TRIO: variants seen among roughly 807,000 people sequenced by gnomAD.
The protein encoded by TRIO is trio Rho guanine nucleotide exchange factor.
TRIO carries 58 observed loss-of-function variants against 351.9 expected under a neutral mutation model. The observed-to-expected ratio is 0.16, with a 90% CI of 0.13 to 0.21. The LOEUF (loss-of-function observed/expected upper bound fraction) is 0.21, where lower values mean the gene tolerates loss of function less well. TRIO is among the 10% of genes least tolerant of loss of function. The probability of loss-of-function intolerance (pLI) is 1.00; values close to 1 mark genes in which losing one functional copy is unlikely to be tolerated. For missense variants in TRIO, 3,201 were observed against 4,027.8 expected (o/e 0.79, Z 5.56); for synonymous variants, 1,758 against 1,595.7 (o/e 1.10, Z -2.42).
At chr5:14,315,331 C>A (rs1739288007) in intron 8 of TRIO, among the ~76,000 whole-genome samples, 1 of 151,100 alleles carries the variant, frequency 6.6e-6, no homozygotes, top group South Asian at 2.1e-4. Context: ...CGGCTCACTG[C>A]AACTTTCATC....
intron 11 of TRIO, 129 bp downstream of exon 11, chr5:14,336,856 A>G: frequency 1.0e-6 from 1 of 957,296 alleles, no homozygotes; most frequent in Non-Finnish European, 1.6e-6. Context: ...GTAGCCCATT[A>G]GTGCTGAGTG....
intron 1 of TRIO, among the ~76,000 whole-genome samples, chr5:14,144,545 C>T (rs912093100): frequency 2.0e-5 from 3 of 152,208 alleles, no homozygotes; most frequent in East Asian, 3.9e-4. Flanking sequence ...CCATTGTCTC[C>T]GGGGACGACC....
intron 1 of TRIO, among the ~76,000 whole-genome samples, chr5:14,175,388 C>G (rs1789346468): frequency 6.6e-6 from 1 of 152,168 alleles, no homozygotes; most frequent in Non-Finnish European, 1.5e-5. Flanking sequence ...TTCTTTGTCC[C>G]TTTCAACAAT....
At chr5:14,289,355 A>G (rs1671942832) in intron 4 of TRIO, among the ~76,000 whole-genome samples, 1 of 152,124 alleles carries the variant, frequency 6.6e-6, no homozygotes, top group South Asian at 2.1e-4. Context: ...ACTGCACTGC[A>G]GCATGGGCAA....
At chr5:14,390,173 C>A in intron 25 of TRIO, 58 bp from the exon 26 acceptor site, 1 of 1,508,412 alleles carries the variant, frequency 6.6e-7, no homozygotes, top group Non-Finnish European at 9.1e-7. Flanking sequence ...TGGCATATCT[C>A]ACTAGTAAAA....
intron 9 of TRIO, among the ~76,000 whole-genome samples, chr5:14,328,758 T>C (rs1740637946): frequency 6.6e-6 from 1 of 152,090 alleles, no homozygotes; most frequent in Non-Finnish European, 1.5e-5. Context: ...AACCTGAAGC[T>C]GAGAAGGAAT....
At chr5:14,364,970 C>A (rs1744470063) in intron 15 of TRIO, among the ~76,000 whole-genome samples, 154 bp downstream of exon 15, 1 of 152,128 alleles carries the variant, frequency 6.6e-6, no homozygotes, top group Non-Finnish European at 1.5e-5. Flanking sequence ...CATACACACA[C>A]CCCCGCCCCC....
At chr5:14,442,778 C>T (rs138291981) in intron 34 of TRIO, among the ~76,000 whole-genome samples, 83 of 152,264 alleles carry the variant, frequency 5.5e-4, no homozygotes, top group African/African-American at 1.8e-3. Context: ...CTGTGCAGTG[C>T]AAAGAACAAC....
intron 1 of TRIO, among the ~76,000 whole-genome samples, chr5:14,177,175 C>G (rs1296242553): frequency 6.6e-6 from 1 of 152,132 alleles, no homozygotes; most frequent in Non-Finnish European, 1.5e-5. Flanking sequence ...TTCTGGAATT[C>G]ACTTGAGTGT....
At chr5:14,322,179 A>T (rs1409851525) in intron 9 of TRIO, among the ~76,000 whole-genome samples, 1 of 152,074 alleles carries the variant, frequency 6.6e-6, no homozygotes, top group Non-Finnish European at 1.5e-5. Flanking sequence ...GTATTTGTTG[A>T]ATGACTGAAT....
chr5:14,397,550 T>G (rs145255359), intron 29 of TRIO, among the ~76,000 whole-genome samples: 271 of 152,320 alleles, frequency 1.8e-3, no homozygotes, highest in African/African-American at 6.0e-3. Flanking sequence ...TGCTAGAGCC[T>G]GGAACATAGT....
intron 41 of TRIO, among the ~76,000 whole-genome samples, chr5:14,477,589 TC>T (rs2126584468): frequency 6.6e-6 from 1 of 152,360 alleles, no homozygotes; most frequent in South Asian, 2.1e-4. Flanking sequence ...TACATAGTTT[TC>T]TTAGACACTA....
chr5:14,172,021 TAGTG>T (rs1212290612), intron 1 of TRIO, among the ~76,000 whole-genome samples: 3 of 152,228 alleles, frequency 2.0e-5, no homozygotes, highest in African/African-American at 7.2e-5. Context: ...ATAAGTTGAG[TAGTG>T]CATTGAGCAT....
Position 14,479,274 on chromosome 5 carries a change from A to G in TRIO, c.6167A>G (p.His2056Arg). The part of the protein sequence containing the change: ...SLFVKHERRL[H>R]MYIAYCQNKP... Reference sequence around the variant, plus strand: ...TTTTATTCCTAGGAGAGAAGGTTGCACATGTACATAGCTTATTGTCAAAAT... The same window carrying G: ...TTTTATTCCTAGGAGAGAAGGTTGCGCATGTACATAGCTTATTGTCAAAAT... Residue 2056 changes from histidine (H) to arginine (R), a missense_variant, in exon 42 of 57, where the codon CAC becomes CGC. By Grantham distance (29) the His-to-Arg change is conservative (BLOSUM62 0). This residue lies in a region of TRIO where 307 missense variants were observed against 396.5 expected (regional missense o/e 0.77). Transcript: ENST00000344204. The G allele has an allele frequency of 6.2e-7, 1 of 1,613,888 alleles. No homozygotes were observed. The highest frequency in any genetic ancestry group is 8.5e-7 in the Non-Finnish European group (1 of 1,179,892).
At chr5:14,417,639 G>A (rs1459684614) in intron 33 of TRIO, among the ~76,000 whole-genome samples, 8 of 152,158 alleles carry the variant, frequency 5.3e-5, no homozygotes, top group East Asian at 3.9e-4. Context: ...CCCATAGCCC[G>A]CAGCACACTC....
chr5:14,472,041 G>A (rs1754731437), intron 38 of TRIO, among the ~76,000 whole-genome samples: 2 of 152,210 alleles, frequency 1.3e-5, no homozygotes, highest in South Asian at 4.1e-4. Flanking sequence ...TTGAATGAAT[G>A]ACTGAACAAC....
chr5:14,338,896 A>G (rs149583168), intron 11 of TRIO, among the ~76,000 whole-genome samples: 3 of 152,266 alleles, frequency 2.0e-5, no homozygotes, highest in Non-Finnish European at 4.4e-5. Context: ...GCCTGGCCAT[A>G]TTCTATAGCA....
At chr5:14,331,603 T>C (rs1170577139) in intron 10 of TRIO, among the ~76,000 whole-genome samples, 2 of 152,138 alleles carry the variant, frequency 1.3e-5, no homozygotes, top group African/African-American at 2.4e-5. Flanking sequence ...GAACCCAAAA[T>C]TCGAACCTCA....
chr5:14,181,544 T>G (rs1789768317), intron 1 of TRIO, among the ~76,000 whole-genome samples: 1 of 152,100 alleles, frequency 6.6e-6, no homozygotes, highest in African/African-American at 2.4e-5. Context: ...GGCCTGTGAG[T>G]GGATGTGGAG....
Sources: gnomAD v4.1 joint callset for allele counts (sites outside exome capture counted in the v4.1 genomes callset) on GRCh38, gnomAD v4.1.1 for gene constraint, gnomAD v4.1.1 regional missense constraint, MANE v1.5 for transcripts, NCBI Gene and HGNC (gene_info 2026-07-23, HGNC 2026-07-21) for gene names.